The following SAMD9L variants were observed in gnomAD, a reference collection of about 807,000 sequenced individuals.
SAMD9L encodes the protein sterile alpha motif domain containing 9 like, also known as sterile alpha motif domain-containing protein 9-like.
A neutral mutation model predicts 90.7 loss-of-function variants in SAMD9L; 68 were observed. That is an observed-to-expected ratio of 0.75 (90% CI 0.62 to 0.92). The LOEUF is 0.92. SAMD9L is among the 40% of genes least tolerant of loss of function. SAMD9L has a pLI of 0.00. For synonymous variants in SAMD9L, 640 were observed against 630.1 expected, an observed-to-expected ratio of 1.02 and a Z score of -0.23; for missense variants, 1,604 against 1,824.3, an observed-to-expected ratio of 0.88 and a Z score of 2.20.
Position 93,135,935 on chromosome 7 carries a change from C to A in SAMD9L, c.37G>T (p.Asp13Tyr), listed in dbSNP as rs776951739. The A allele has an allele frequency of 1.2e-6, 2 of 1,605,170 alleles. No individual in the cohort carries two copies. Among genetic ancestry groups the A allele is most frequent in the East Asian group, 2.2e-5 (1 of 44,792 alleles). The change falls in exon 5 of 5, where the codon GAC becomes TAC. Residue 13 changes from aspartate to tyrosine, a missense_variant. Physicochemically the swap from Asp to Tyr is radical, Grantham distance 160. Coordinates refer to ENST00000318238, the MANE Select transcript of SAMD9L (RefSeq NM_152703.5). Reference sequence around the variant, plus strand: ...TTTTTCACATGCTCTTTGGTCCAGTCTTTAATCATTTCAGGTAGAGATACT... The same window carrying A: ...TTTTTCACATGCTCTTTGGTCCAGTATTTAATCATTTCAGGTAGAGATACT... ...KQVSLPEMIK[D>Y]WTKEHVKKWV...
In SAMD9L at chr7:93,133,458, G is replaced by A. The variant is rs570187393; in HGVS notation, c.2514C>T (p.Asn838=). The A allele has an allele frequency of 2.5e-6, 4 of 1,612,996 alleles. No homozygotes were observed. The highest frequency in any genetic ancestry group is 3.4e-6 in the Non-Finnish European group (4 of 1,179,314). ...CATCTGGATTCCGGGATCTCATGCA[G>A]TTTAAGATAATTACCAATGTTTTTT... ...RYEKTLVIIL[N]CMRSRNPDES... Residue 838 remains asparagine, a synonymous_variant, in exon 5 of 5, where the codon AAC becomes AAT. Transcript: ENST00000318238.
At chr7:93,143,318 T>A (rs1171555757) in intron 4 of SAMD9L, among the ~76,000 whole-genome samples, 1 of 151,626 alleles carries the variant, frequency 6.6e-6, no homozygotes, top group Non-Finnish European at 1.5e-5. Context: ...CTGACTGGAG[T>A]ATACTGGACA....
chr7:93,137,411 A>G (rs1209817891), intron 4 of SAMD9L, among the ~76,000 whole-genome samples: 1 of 152,116 alleles, frequency 6.6e-6, no homozygotes, highest in Non-Finnish European at 1.5e-5. Context: ...CACACTCCTT[A>G]TGAGAATCTA....
chr7:93,134,344 A>C lies in SAMD9L; in HGVS notation c.1628T>G (p.Phe543Cys), dbSNP rs1474244925. ...AGAGAGTAATAGAAACACTACCAAA[A>C]ATTTTCCTCTTGTCATTATATTTTC... The part of the protein sequence containing the change: ...TDENIMTRGK[F>C]LVVFLLLSSV... Residue 543 changes from phenylalanine (F) to cysteine (C), a missense_variant, in exon 5 of 5, where the codon TTT (phenylalanine) becomes TGT (cysteine). Physicochemically the swap from Phe to Cys is radical, Grantham distance 205. Coordinates refer to ENST00000318238, the MANE Select transcript of SAMD9L (RefSeq NM_152703.5). The C allele has an allele frequency of 6.2e-7, 1 of 1,610,946 alleles. No individual in the cohort carries two copies. The highest frequency in any genetic ancestry group is 1.7e-5 in the Admixed American group (1 of 59,384).
In SAMD9L at chr7:93,131,656, T is replaced by C. The variant is rs772399707; in HGVS notation, c.4316A>G (p.Gln1439Arg). 6.2e-7 allele frequency: 1 copy of C among 1,613,928 alleles called. No homozygotes were observed. The highest frequency in any genetic ancestry group is 8.5e-7 in the Non-Finnish European group (1 of 1,179,898). ...LACLLFWPENQELDQDSKLIE... is the reference protein window; with the variant it reads ...LACLLFWPENRELDQDSKLIE... ...TAGTTTGGAATCTTGATCTAGCTCTTGATTTTCTGGCCAGAACAGGAGGCA... is the reference window on the plus strand; with the variant it reads ...TAGTTTGGAATCTTGATCTAGCTCTCGATTTTCTGGCCAGAACAGGAGGCA... The change falls in exon 5 of 5, where the codon CAA (glutamine) becomes CGA (arginine). Residue 1439 changes from glutamine (Q) to arginine (R), a missense_variant. Physicochemically the swap from Gln to Arg is conservative, Grantham distance 43. This residue lies in a region of SAMD9L where 282 missense variants were observed against 329.6 expected (regional missense o/e 0.86). Transcript: ENST00000318238.
chr7:93,144,730 AC>A lies in SAMD9L; in HGVS notation c.-21+1del, dbSNP rs1792826230. ...AGGCTGGGCCTCACTGGGCTCACTC[AC>A]CTCACTGGGCTCACTCACTCACTTT... On this transcript the variant is annotated splice_donor_variant, in intron 4 of 4. Transcript: ENST00000318238. LOFTEE classifies it low-confidence loss of function (5UTR_SPLICE). The A allele has an allele frequency of 6.6e-6, 1 of 152,186 alleles. No individual in the cohort carries two copies. Among genetic ancestry groups the A allele is most frequent in the Admixed American group, 6.5e-5 (1 of 15,276 alleles). The allele number at this position is 152,186 out of a possible 1,614,324, so 9.4% of individuals were successfully genotyped here. A position where few individuals can be genotyped will look rare whatever the true frequency, so the allele number is the denominator to read the frequency against.
At position 93,136,507 on chromosome 7, in the gene SAMD9L, G is replaced by A. The variant is rs542471942; in HGVS notation, c.-20-516C>T. 5.3e-5 allele frequency among the ~76,000 whole-genome samples: 8 copies of A among 152,258 alleles called. No individual in the cohort carries two copies. In the South Asian group the frequency reaches 8.3e-4, roughly 16 times the overall value. On this transcript the variant is annotated intron_variant, in intron 4 of 4. Transcript: ENST00000318238. ...TCAAGCTGTTAGGCCACAAGGCTAG[G>A]GTTTGGGGGAATGTGGTAGCAAAAT...
chr7:93,141,161 A>G (rs1263178445), intron 4 of SAMD9L, among the ~76,000 whole-genome samples: 1 of 152,190 alleles, frequency 6.6e-6, no homozygotes, highest in African/African-American at 2.4e-5. Context: ...CTTTTGGGAC[A>G]CTACCTTTCC....
rs1225581884 is a variant in SAMD9L, at chr7:93,132,104, T to C, written c.3868A>G (p.Ile1290Val). 2 of 1,613,452 alleles carry C rather than the reference T, an allele frequency of 1.2e-6. No individual in the cohort carries two copies. The highest frequency in any genetic ancestry group is 2.2e-5 in the East Asian group (1 of 44,870). The part of the protein sequence containing the change: ...MRYTQKEIAE[I>V]MLSKKVSRCF... ...CGACTGACTTTCTTGCTTAACATGA[T>C]TTCTGCAATTTCTTTTTGGGTATAC... The change falls in exon 5 of 5, where the codon ATC (isoleucine) becomes GTC (valine). Residue 1290 changes from isoleucine to valine, a missense_variant. Physicochemically the swap from Ile to Val is conservative, Grantham distance 29. Transcript: ENST00000318238.
rs1792195727 is a variant in SAMD9L, at chr7:93,132,829, C to G, written c.3143G>C (p.Gly1048Ala). The part of the protein sequence containing the change: ...LLLTRQRKVY[G>A]DETDTLFSPL... ...GGAAAACAGAGTGTCTGTTTCATCTCCATACACCTTGCGCTGTCTTGTAAG... is the reference window on the plus strand; with the variant it reads ...GGAAAACAGAGTGTCTGTTTCATCTGCATACACCTTGCGCTGTCTTGTAAG... The change falls in exon 5 of 5, where the codon GGA becomes GCA. Residue 1048 changes from glycine (G) to alanine (A), a missense_variant. Transcript: ENST00000318238. The G allele has an allele frequency of 6.2e-7, 1 of 1,613,650 alleles. No individual in the cohort carries two copies.
rs759103036 is a variant in SAMD9L at position 93,132,759 on chromosome 7, C to G, written c.3213G>C (p.Leu1071Phe). ...GTGGGAATCGTCTACTTCCTGCACT[C>G]AAGACCTTTTCAATGTCTTTATTCT... ...ALQNKDIEKV[L>F]SAGSRRFPQN... Residue 1071 changes from leucine (L) to phenylalanine (F), a missense_variant, in exon 5 of 5, where the codon TTG becomes TTC. Physicochemically the swap from Leu to Phe is conservative, Grantham distance 22. Transcript: ENST00000318238. The G allele has an allele frequency of 1.9e-6, 3 of 1,613,634 alleles. No individual in the cohort carries two copies. The highest frequency in any genetic ancestry group is 3.3e-5 in the Admixed American group (2 of 59,948).
intron 2 of SAMD9L, among the ~76,000 whole-genome samples, 159 bp from the exon 3 acceptor site, chr7:93,146,199 CT>C (rs933461156): frequency 8.5e-5 from 13 of 152,320 alleles, no homozygotes; most frequent in African/African-American, 3.1e-4. Flanking sequence ...CTCCTCGTTG[CT>C]TCCTGAAGGA....
Position 93,132,090 on chromosome 7 carries a change from C to T in SAMD9L, c.3882G>A (p.Lys1294=), listed in dbSNP as rs745615404. The change falls in exon 5 of 5, where the codon AAG becomes AAA. Residue 1294 remains lysine, a synonymous_variant. Transcript: ENST00000318238. The stretch of plus-strand genomic sequence containing the variant: ...ATTTCCTGAAACAACGACTGACTTT[C>T]TTGCTTAACATGATTTCTGCAATTT... The part of the protein sequence containing the change: ...QKEIAEIMLS[K]KVSRCFRKYT... 2.5e-6 allele frequency: 4 copies of T among 1,613,708 alleles called. No homozygotes were observed. Among genetic ancestry groups the T allele is most frequent in the Non-Finnish European group, 3.4e-6 (4 of 1,179,850 alleles).
Position 93,145,809 on chromosome 7 carries a change from T to G in SAMD9L, c.-547A>C, listed in dbSNP as rs1414153791. Reference sequence around the variant, plus strand: ...AAGAAAATAAATAAAACTCAAAAAGTATGTGACAGGTACACTTTATCTCTC... The same window carrying G: ...AAGAAAATAAATAAAACTCAAAAAGGATGTGACAGGTACACTTTATCTCTC... On this transcript the variant is annotated 5_prime_UTR_variant, in exon 3 of 5. Coordinates refer to ENST00000318238, the MANE Select transcript of SAMD9L (RefSeq NM_152703.5). 1 of 152,202 alleles carries G rather than the reference T, an allele frequency of 6.6e-6. No homozygotes were observed. The highest frequency in any genetic ancestry group is 1.5e-5 in the Non-Finnish European group (1 of 68,040). 9.4% of individuals were successfully genotyped at this position (152,202 alleles called of 1,614,324 possible).
rs1451330701 is a variant in SAMD9L, at chr7:93,135,224, C to A, written c.748G>T (p.Val250Phe). 6.2e-7 allele frequency: 1 copy of A among 1,613,936 alleles called. No homozygotes were observed. Among genetic ancestry groups the A allele is most frequent in the African/African-American group, 1.3e-5 (1 of 74,908 alleles). Residue 250 changes from valine (V) to phenylalanine (F), a missense_variant, in exon 5 of 5, where the codon GTT becomes TTT. By Grantham distance (50) the Val-to-Phe change is conservative. Around this residue, in one of 7 missense-constraint regions of SAMD9L, gnomAD observed 374 missense variants for 363.6 expected, o/e 1.03. Transcript: ENST00000318238. ...GCCTTACTGGTGATTTTCACACCAA[C>A]AATTTCTCCATGGGGTTTGTCCTTG... ...GVKDKPHGEI[V>F]GVKITSKAAF...
chr7:93,133,560 A>C lies in SAMD9L; in HGVS notation c.2412T>G (p.Asp804Glu). Residue 804 changes from aspartate to glutamate, a missense_variant, in exon 5 of 5, where the codon GAT (aspartate) becomes GAG (glutamate). This residue lies in a region of SAMD9L where 606 missense variants were observed against 717.6 expected (regional missense o/e 0.84). Coordinates refer to ENST00000318238, the MANE Select transcript of SAMD9L (RefSeq NM_152703.5). Reference sequence around the variant, plus strand: ...AGTAGACATTTTCTTGTTCTTCAAAATCATCCACAAGGAGAAGCACAGGAA... The same window carrying C: ...AGTAGACATTTTCTTGTTCTTCAAACTCATCCACAAGGAGAAGCACAGGAA... ...DYIPVLLLVD[D>E]FEEQENVYFL... The C allele has an allele frequency of 6.2e-7, 1 of 1,613,856 alleles. No homozygotes were observed. The highest frequency in any genetic ancestry group is 8.5e-7 in the Non-Finnish European group (1 of 1,179,870).
Position 93,133,895 on chromosome 7 carries a change from C to T in SAMD9L, c.2077G>A (p.Val693Ile), listed in dbSNP as rs2116491049. 1 of 1,613,826 alleles carries T rather than the reference C, an allele frequency of 6.2e-7. No homozygotes were observed. The highest frequency in any genetic ancestry group is 2.2e-5 in the East Asian group (1 of 44,880). ...GAAAAATAGAAGTTCCACCAGGATA[C>T]TTTGCCACCTCGATAAAAGTGTTCT... ...KEEHFYRGGK[V>I]SWWNFYFSSE... Residue 693 changes from valine (V) to isoleucine (I), a missense_variant, in exon 5 of 5, where the codon GTA becomes ATA. Coordinates refer to ENST00000318238, the MANE Select transcript of SAMD9L (RefSeq NM_152703.5).
At chr7:93,144,412 T>C (rs971497073) in intron 4 of SAMD9L, among the ~76,000 whole-genome samples, 1 of 152,220 alleles carries the variant, frequency 6.6e-6, no homozygotes, top group African/African-American at 2.4e-5. Context: ...AAATACGGTA[T>C]AACAACTATA....
chr7:93,132,170 A>G lies in SAMD9L; in HGVS notation c.3802T>C (p.Phe1268Leu), dbSNP rs2116475794. 6 of 1,613,374 alleles carry G rather than the reference A, an allele frequency of 3.7e-6. No homozygotes were observed. Among genetic ancestry groups the G allele is most frequent in the Non-Finnish European group, 5.1e-6 (6 of 1,179,756 alleles). The change falls in exon 5 of 5, where the codon TTT becomes CTT. Residue 1268 changes from phenylalanine (F) to leucine (L), a missense_variant. Phe to Leu is a conservative substitution (Grantham distance 22). This residue lies in a region of SAMD9L where 302 missense variants were observed against 314.7 expected (regional missense o/e 0.96). Coordinates refer to ENST00000318238, the MANE Select transcript of SAMD9L (RefSeq NM_152703.5). ...KNLQSDLKRC[F>L]DFFIDYMVLL... is the part of the protein sequence containing the mutation. ...ACCATATAATCAATAAAAAAGTCAA[A>G]GCACCTTTTCAGATCTGATTGTAAA...
Sources: gnomAD v4.1 joint callset for allele counts (sites outside exome capture counted in the v4.1 genomes callset) on GRCh38, gnomAD v4.1.1 for gene constraint, gnomAD v4.1.1 regional missense constraint, MANE v1.5 for transcripts, NCBI Gene and HGNC (gene_info 2026-07-23, HGNC 2026-07-21) for gene names.